The following ZNF274 variants were observed in gnomAD, a reference collection of about 807,000 sequenced individuals.
ZNF274 encodes the protein zinc finger protein 274.
In ZNF274, 23 loss-of-function variants were observed where a neutral mutation model predicts 42.5. The ratio of observed to expected loss-of-function variants is 0.54; its 90% CI spans 0.39 to 0.77. The LOEUF is 0.77. Ranked by LOEUF, ZNF274 falls within the 30% of genes least tolerant of loss-of-function variation. ZNF274 has a pLI of 0.00. For missense variants in ZNF274, 679 were observed against 806.5 expected (o/e 0.84, Z 1.91); for synonymous variants, 292 against 305.4 (o/e 0.96, Z 0.46).
At chr19:58,197,643 G>A (rs1192366322) in intron 4 of ZNF274, among the ~76,000 whole-genome samples, 2 of 152,200 alleles carry the variant, frequency 1.3e-5, no homozygotes, top group Non-Finnish European at 2.9e-5. Flanking sequence ...CAGGAGACAA[G>A]AATATGTCTT....
At chr19:58,202,847 G>A (rs1031051808) in intron 4 of ZNF274, among the ~76,000 whole-genome samples, 8 of 152,214 alleles carry the variant, frequency 5.3e-5, no homozygotes, top group African/African-American at 9.6e-5. Context: ...TTCTGGGTTT[G>A]TGGTCTCTCT....
chr19:58,209,522 G>T (rs1303229713), intron 5 of ZNF274: 1 of 154,292 alleles, frequency 6.5e-6, no homozygotes, highest in Non-Finnish European at 1.4e-5. Flanking sequence ...TCCAGGGAAA[G>T]TCTCACCTTC....
chr19:58,191,835 G>A (rs2075782010), intron 4 of ZNF274, among the ~76,000 whole-genome samples: 1 of 152,090 alleles, frequency 6.6e-6, no homozygotes, highest in African/African-American at 2.4e-5. Context: ...ACTTATGGAG[G>A]GCCTTTTCTG....
chr19:58,197,595 G>C (rs2075859382), intron 4 of ZNF274, among the ~76,000 whole-genome samples: 1 of 152,200 alleles, frequency 6.6e-6, no homozygotes, highest in African/African-American at 2.4e-5. Context: ...TAGGAACTCA[G>C]TACATAACGT....
intron 4 of ZNF274, among the ~76,000 whole-genome samples, chr19:58,193,642 G>C (rs545751783): frequency 6.6e-6 from 1 of 151,926 alleles, no homozygotes; most frequent in Admixed American, 6.6e-5. Flanking sequence ...ATATGATAAA[G>C]GGACCAGGTG....
At position 58,188,605 on chromosome 19, in the gene ZNF274, CAAA is replaced by C. The variant is rs1163562490; in HGVS notation, c.256+1577_256+1579del. 3.9e-4 allele frequency among the ~76,000 whole-genome samples: 19 copies of C among 48,808 alleles called. No individual in the cohort carries two copies. In the South Asian group the frequency reaches 4.2e-3, roughly 11 times the overall value. 32.0% of individuals were successfully genotyped at this position (48,808 alleles called of 152,430 possible). On this transcript the variant is annotated intron_variant, in intron 4 of 7. Transcript: ENST00000617501. ...TGCGTGACAGAGTGAGACTCCATCT[CAAA>C]AAAAAAAAAAAAATATATATATATA...
At chr19:58,189,042 C>T (rs944262290) in intron 4 of ZNF274, among the ~76,000 whole-genome samples, 7 of 151,930 alleles carry the variant, frequency 4.6e-5, no homozygotes, top group East Asian at 1.9e-4. Context: ...TCACATTTTC[C>T]GCACAACGGA....
chr19:58,204,789 G>GT (rs1161781815), intron 4 of ZNF274, among the ~76,000 whole-genome samples: 1 of 152,132 alleles, frequency 6.6e-6, no homozygotes, highest in African/African-American at 2.4e-5. Flanking sequence ...AATATTCCAG[G>GT]TATGTTGTGG....
Position 58,206,826 on chromosome 19 carries a change from T to G in ZNF274, c.363T>G (p.Ala121=). 6.2e-7 allele frequency: 1 copy of G among 1,614,008 alleles called. No individual in the cohort carries two copies. Among genetic ancestry groups the G allele is most frequent in the Non-Finnish European group, 8.5e-7 (1 of 1,179,878 alleles). The change falls in exon 5 of 8, where the codon GCT becomes GCG. Residue 121 remains alanine (A), a synonymous_variant. Transcript: ENST00000617501. ...TCCTCACACTGAACCAGGAGGTGGC[T>G]GGTCCCCGGAATGCCCAGATCCAGG... is the stretch of plus-strand genomic sequence containing the variant. The part of the protein sequence containing the change: ...VEVLTLNQEV[A]GPRNAQIQAL...
intron 6 of ZNF274, chr19:58,210,316 A>G (rs929302987): frequency 4.7e-6 from 2 of 421,402 alleles, no homozygotes; most frequent in Non-Finnish European, 8.7e-6. Flanking sequence ...GCAGGAGGCA[A>G]GAGGGAAGGG....
chr19:58,201,948 G>C (rs923540745), intron 4 of ZNF274, among the ~76,000 whole-genome samples: 5 of 152,208 alleles, frequency 3.3e-5, no homozygotes, highest in South Asian at 2.1e-4. Context: ...CCTCTACTTA[G>C]GGGTGTGAGA....
chr19:58,185,971 T>C, intron 3 of ZNF274, 133 bp downstream of exon 3: 1 of 724,892 alleles, frequency 1.4e-6, no homozygotes, highest in Non-Finnish European at 2.0e-6. Flanking sequence ...GTATGACTTC[T>C]GAATCATTGC....
chr19:58,192,649 A>G (rs1332339365), intron 4 of ZNF274, among the ~76,000 whole-genome samples: 2 of 152,200 alleles, frequency 1.3e-5, no homozygotes, highest in Non-Finnish European at 2.9e-5. Flanking sequence ...AATACCGAAT[A>G]TGATGTAAAT....
Position 58,211,263 on chromosome 19 carries a change from A to C in ZNF274, c.853-297A>C. ...AGATGGAGAACCCTCTGCAGTGGGA[A>C]GATTTCAGCAATGGGCAAGCTGGAT... On this transcript the variant is annotated intron_variant, in intron 6 of 7. Coordinates refer to ENST00000617501, the MANE Select transcript of ZNF274 (RefSeq NM_133502.3). This position sits in a 1 kb window ranked among gnomAD's most constrained non-coding sequence, Gnocchi z 4.8. 3.6e-6 allele frequency: 1 copy of C among 276,164 alleles called. No individual in the cohort carries two copies. Among genetic ancestry groups the C allele is most frequent in the Non-Finnish European group, 6.8e-6 (1 of 147,722 alleles). 17.1% of individuals were successfully genotyped at this position (276,164 alleles called of 1,614,324 possible). A position where few individuals can be genotyped will look rare whatever the true frequency, so the allele number is the denominator to read the frequency against.
At position 58,211,954 on chromosome 19, in the gene ZNF274, TC is replaced by T. The variant is rs143625775; in HGVS notation, c.980-204del. 0.011 allele frequency among the ~76,000 whole-genome samples: 1,714 copies of T among 152,266 alleles called. 11 individuals are homozygous for T. Among genetic ancestry groups the T allele is most frequent in the Non-Finnish European group, 0.018 (1,239 of 68,020 alleles). ...GGAACTCGAAGAGCTCGGAGGACACTCCCTGCCCTTCCTGTCCCTTGTTCAC... is the reference window on the plus strand; with the variant it reads ...GGAACTCGAAGAGCTCGGAGGACACTCCTGCCCTTCCTGTCCCTTGTTCAC... On this transcript the variant is annotated intron_variant, in intron 7 of 7. Coordinates refer to ENST00000617501, the MANE Select transcript of ZNF274 (RefSeq NM_133502.3). This position sits in a 1 kb window ranked among gnomAD's most constrained non-coding sequence, Gnocchi z 4.8.
At chr19:58,191,377 T>C (rs956843628) in intron 4 of ZNF274, among the ~76,000 whole-genome samples, 1 of 152,226 alleles carries the variant, frequency 6.6e-6, no homozygotes, top group African/African-American at 2.4e-5. Context: ...GAACTTGTGA[T>C]CTGCCCACCT....
Position 58,183,419 on chromosome 19 carries a change from G to T in ZNF274, c.-69G>T, listed in dbSNP as rs1409756558. The stretch of plus-strand genomic sequence containing the variant: ...GACGCACTTCGCCGCCGGCCGACGG[G>T]CGCCATTGTGCGGCGCGCGCCGGGT... On this transcript the variant is annotated 5_prime_UTR_variant, in exon 1 of 8. Transcript: ENST00000617501. The T allele has an allele frequency of 6.6e-6, 1 of 152,266 alleles. No homozygotes were observed. Among genetic ancestry groups the T allele is most frequent in the Non-Finnish European group, 1.5e-5 (1 of 68,054 alleles). The allele number at this position is 152,266 out of a possible 1,614,324, so 9.4% of individuals were successfully genotyped here. A position where few individuals can be genotyped will look rare whatever the true frequency, so the allele number is the denominator to read the frequency against.
intron 4 of ZNF274, among the ~76,000 whole-genome samples, chr19:58,201,403 T>A (rs1390204218): frequency 6.6e-6 from 1 of 151,738 alleles, no homozygotes; most frequent in East Asian, 1.9e-4. Flanking sequence ...AGGCCCCACC[T>A]CCAACACAGC....
chr19:58,198,215 A>C (rs1452699702), intron 4 of ZNF274, among the ~76,000 whole-genome samples: 1 of 152,362 alleles, frequency 6.6e-6, no homozygotes, highest in East Asian at 1.9e-4. Flanking sequence ...GACTTTGAGT[A>C]AGTAAAGAAT....
Sources: allele counts gnomAD v4.1 joint callset (sites outside exome capture counted in the v4.1 genomes callset), GRCh38; gene constraint gnomAD v4.1.1; non-coding constraint Gnocchi (gnomAD v3.1); transcripts MANE v1.5; gene names NCBI Gene and HGNC (gene_info 2026-07-23, HGNC 2026-07-21).